The following NRG1 variants were observed in gnomAD, a reference collection of about 807,000 sequenced individuals.
The protein encoded by NRG1 is pro-neuregulin-1, membrane-bound isoform.
In NRG1, 18 loss-of-function variants were observed where a neutral mutation model predicts 63.8. The observed-to-expected ratio is 0.28, with a 90% CI of 0.19 to 0.42. The LOEUF is 0.42. NRG1 is among the 10% of genes least tolerant of loss of function. NRG1 has a pLI of 1.00. For missense variants in NRG1, 762 were observed against 814.7 expected, an observed-to-expected ratio of 0.94 and a Z score of 0.79; for synonymous variants, 302 against 301.3, an observed-to-expected ratio of 1.00 and a Z score of -0.02.
intron 1 of NRG1, among the ~76,000 whole-genome samples, chr8:31,789,564 C>T (rs541286887): frequency 2.6e-5 from 4 of 152,236 alleles, no homozygotes; most frequent in East Asian, 1.9e-4. Flanking sequence ...TAAACCACAA[C>T]GTGATAGAAG....
chr8:32,289,188 G>A (rs951286624), intron 1 of NRG1, among the ~76,000 whole-genome samples: 1 of 152,080 alleles, frequency 6.6e-6, no homozygotes, highest in African/African-American at 2.4e-5. Context: ...GAAAGTAATG[G>A]CCCTCTAACC....
chr8:31,907,443 T>G (rs1247056496), intron 1 of NRG1, among the ~76,000 whole-genome samples: 1 of 151,728 alleles, frequency 6.6e-6, no homozygotes, highest in Admixed American at 6.6e-5. Context: ...AGCAAAGTTA[T>G]GTAGTTCTCG....
chr8:31,960,992 C>T (rs1431172718), intron 1 of NRG1, among the ~76,000 whole-genome samples: 1 of 152,166 alleles, frequency 6.6e-6, no homozygotes, highest in African/African-American at 2.4e-5. Context: ...GTCAATGAAA[C>T]TTTAGAGATG....
intron 1 of NRG1, among the ~76,000 whole-genome samples, chr8:32,501,410 T>G (rs948285807): frequency 1.3e-5 from 2 of 152,232 alleles, no homozygotes; most frequent in East Asian, 3.8e-4. Context: ...GTGCTTCCCA[T>G]GCAATTTAGC....
At chr8:32,329,405 A>G (rs999578908) in intron 1 of NRG1, among the ~76,000 whole-genome samples, 1 of 152,246 alleles carries the variant, frequency 6.6e-6, no homozygotes, top group Admixed American at 6.5e-5. Context: ...TTCTGTTCAC[A>G]AGTCTAGGTG....
chr8:32,423,143 G>A (rs539944119), intron 1 of NRG1, among the ~76,000 whole-genome samples: 1 of 152,128 alleles, frequency 6.6e-6, no homozygotes, highest in Non-Finnish European at 1.5e-5. Context: ...GGTGGCCTGT[G>A]GTATTCAATT....
intron 1 of NRG1, among the ~76,000 whole-genome samples, chr8:32,259,175 G>C (rs1180797569): frequency 6.6e-6 from 1 of 152,164 alleles, no homozygotes; most frequent in Non-Finnish European, 1.5e-5. Flanking sequence ...AAGTAAGTTT[G>C]AGTTTCTGCA....
rs201046028 is a variant in NRG1, at chr8:32,595,838, C to G, written c.111C>G (p.Pro37=). 106 of 1,606,950 alleles carry G rather than the reference C, an allele frequency of 6.6e-5. No homozygotes were observed. The highest frequency in any genetic ancestry group is 8.6e-5 in the Non-Finnish European group (101 of 1,177,726). Residue 37 remains proline (P), a synonymous_variant, in exon 2 of 12, where the codon CCC becomes CCG. Coordinates refer to ENST00000356819, the Ensembl canonical transcript of NRG1. ...CTTTTCTTCTTTTAGCCTTGCCTCC[C>G]CGATTGAAAGAGATGAAAAGCCAGG... is the stretch of plus-strand genomic sequence containing the variant.
chr8:32,456,716 A>T (rs1276736923), intron 1 of NRG1, among the ~76,000 whole-genome samples: 3 of 152,236 alleles, frequency 2.0e-5, no homozygotes, highest in Non-Finnish European at 2.9e-5. Context: ...GTAGGTTATT[A>T]ATAGCTAAAT....
chr8:32,130,090 G>A (rs1318947819), intron 1 of NRG1, among the ~76,000 whole-genome samples: 2 of 151,810 alleles, frequency 1.3e-5, no homozygotes, highest in African/African-American at 2.4e-5. Context: ...TAACGTCATC[G>A]TTTATTCAGA....
chr8:31,806,067 G>C (rs553796624), intron 1 of NRG1, among the ~76,000 whole-genome samples: 1 of 152,002 alleles, frequency 6.6e-6, no homozygotes, highest in Non-Finnish European at 1.5e-5. Context: ...AATTACATTA[G>C]AAAATTTAGC....
chr8:32,488,350 A>T (rs1235618150), intron 1 of NRG1, among the ~76,000 whole-genome samples: 1 of 152,220 alleles, frequency 6.6e-6, no homozygotes, highest in Non-Finnish European at 1.5e-5. Flanking sequence ...GAAGACTGGG[A>T]AGGTGCAAGT....
At position 32,497,984 on chromosome 8, in the gene NRG1, C is replaced by T. The variant is rs946314691; in HGVS notation, c.38-97844C>T. Among the ~76,000 whole-genome samples, 6 of 152,098 alleles carry T rather than the reference C, an allele frequency of 3.9e-5. No homozygotes were observed. In the East Asian group the frequency reaches 7.8e-4, roughly 20 times the overall value. On this transcript the variant is annotated intron_variant, in intron 1 of 10. Coordinates refer to the NRG1 transcript ENST00000519301. The stretch of plus-strand genomic sequence containing the variant: ...GATTACAGACATGCATGACCATGCC[C>T]GGCTAATTTTGTAGTTTTAGTAGAG...
At chr8:32,346,080 C>G (rs1804855674) in intron 1 of NRG1, among the ~76,000 whole-genome samples, 1 of 145,870 alleles carries the variant, frequency 6.9e-6, no homozygotes, top group Non-Finnish European at 1.5e-5. Context: ...ATAATATATA[C>G]TATAATTTAT....
chr8:32,772,022 T>TG (rs1831840311), downstream of NRG1, among the ~76,000 whole-genome samples: 1 of 20,038 alleles, frequency 5.0e-5, no homozygotes, highest in African/African-American at 1.2e-4. Context: ...AAACTCCGTC[T>TG]CAAAAAAAAA....
chr8:32,444,125 T>A (rs552612202), intron 1 of NRG1, among the ~76,000 whole-genome samples: 65 of 145,194 alleles, frequency 4.5e-4, no homozygotes, highest in African/African-American at 1.5e-3. Flanking sequence ...TCTGTCTGTC[T>A]GTCTTTTTCT....
intron 1 of NRG1, among the ~76,000 whole-genome samples, chr8:31,714,341 T>G (rs182903391): frequency 6.6e-6 from 1 of 152,286 alleles, no homozygotes; most frequent in East Asian, 1.9e-4. Context: ...ATTTTTTTTG[T>G]ATTGGTGGTC....
At chr8:31,807,335 T>G (rs1035925032) in intron 1 of NRG1, among the ~76,000 whole-genome samples, 3 of 152,198 alleles carry the variant, frequency 2.0e-5, no homozygotes, top group Non-Finnish European at 4.4e-5. Context: ...GTGATGGTTT[T>G]TGTTTTTAAG....
rs190855010 is a variant in NRG1 at position 31,777,507 on chromosome 8, C to G, written c.37+138076C>G. ...ATGTGCCTGCATGGTAGAGGGGGAG[C>G]TGGCACTAGCCCTTGTGCCCCCAAA... On this transcript the variant is annotated intron_variant, in intron 1 of 10. Coordinates refer to the NRG1 transcript ENST00000519301. Among the ~76,000 whole-genome samples the G allele has an allele frequency of 5.9e-5, 9 of 152,348 alleles. No individual in the cohort carries two copies. The East Asian group carries it at 1.7e-3, about 29-fold the overall frequency.
Sources: gnomAD v4.1 joint callset for allele counts (sites outside exome capture counted in the v4.1 genomes callset) on GRCh38, gnomAD v4.1.1 for gene constraint, MANE v1.5 for transcripts, NCBI Gene and HGNC (gene_info 2026-07-23, HGNC 2026-07-21) for gene names.